The following ENTPD1 variants were observed in gnomAD, a reference collection of about 807,000 sequenced individuals.
ENTPD1 encodes the protein ectonucleoside triphosphate diphosphohydrolase 1.
ENTPD1 carries 33 observed loss-of-function variants against 57.0 expected under a neutral mutation model. That is an observed-to-expected ratio of 0.58 (90% CI 0.44 to 0.77). The LOEUF (loss-of-function observed/expected upper bound fraction) is 0.77. Ranked by LOEUF, ENTPD1 falls within the 30% of genes least tolerant of loss-of-function variation. The probability of loss-of-function intolerance (pLI) is 0.00; values close to 1 mark genes in which losing one functional copy is unlikely to be tolerated. For synonymous variants in ENTPD1, 202 were observed against 218.8 expected (o/e 0.92, Z 0.68); for missense variants, 501 against 603.4 (o/e 0.83, Z 1.78).
intron 1 of ENTPD1, among the ~76,000 whole-genome samples, chr10:95,789,380 T>C (rs558964811): frequency 1.4e-4 from 22 of 152,244 alleles, no homozygotes; most frequent in Non-Finnish European, 2.6e-4. Flanking sequence ...AAAAGAAAGC[T>C]CCAGTCACTT....
intron 1 of ENTPD1, among the ~76,000 whole-genome samples, chr10:95,799,457 C>G (rs117193560): frequency 6.6e-6 from 1 of 152,090 alleles, no homozygotes; most frequent in African/African-American, 2.4e-5. Context: ...CATGCCTGTT[C>G]CTGCAAAGGA....
chr10:95,795,802 C>A (rs2098223917), intron 1 of ENTPD1, among the ~76,000 whole-genome samples: 1 of 152,148 alleles, frequency 6.6e-6, no homozygotes, highest in Admixed American at 6.5e-5. Flanking sequence ...TTCTCAGATA[C>A]AATGGAGAGT....
chr10:95,772,689 T>C (rs1190486008), intron 1 of ENTPD1, among the ~76,000 whole-genome samples: 1 of 152,172 alleles, frequency 6.6e-6, no homozygotes, highest in Non-Finnish European at 1.5e-5. Flanking sequence ...TCTTCCAAAC[T>C]CCTGTTAATA....
At chr10:95,747,114 A>G (rs1475412692) in intron 1 of ENTPD1, among the ~76,000 whole-genome samples, 1 of 152,202 alleles carries the variant, frequency 6.6e-6, no homozygotes, top group Non-Finnish European at 1.5e-5. Context: ...GTAACATTTT[A>G]CCCCAAGATT....
intron 1 of ENTPD1, among the ~76,000 whole-genome samples, chr10:95,793,346 A>G (rs1291736112): frequency 6.6e-6 from 1 of 152,218 alleles, no homozygotes. Context: ...TTTATAAAAA[A>G]TAATGAAGGG....
chr10:95,720,587 A>G (rs891988422), intron 1 of ENTPD1, among the ~76,000 whole-genome samples: 5 of 152,106 alleles, frequency 3.3e-5, no homozygotes, highest in African/African-American at 1.2e-4. Flanking sequence ...CTGGCCCTCA[A>G]TGGTCAAACA....
chr10:95,705,514 C>T, the ENTPD1 span, among the ~76,000 whole-genome samples: 2 of 152,064 alleles, frequency 1.3e-5, no homozygotes, highest in East Asian at 1.9e-4. Flanking sequence ...TTTTTTGAGA[C>T]AGAGTGTAAG....
chr10:95,861,930 A>G (rs1331482456), intron 8 of ENTPD1, among the ~76,000 whole-genome samples: 15 of 151,806 alleles, frequency 9.9e-5, no homozygotes, highest in South Asian at 2.1e-4. Context: ...CAGGAGGCGG[A>G]GCTTGCAGTG....
chr10:95,862,023 G>A (rs1031589992), intron 8 of ENTPD1, among the ~76,000 whole-genome samples: 7 of 151,618 alleles, frequency 4.6e-5, no homozygotes, highest in African/African-American at 1.7e-4. Context: ...AAAAAGTTCT[G>A]TCAGGTTTCC....
intron 1 of ENTPD1, among the ~76,000 whole-genome samples, chr10:95,748,554 C>T (rs1287365637): frequency 6.6e-6 from 1 of 152,190 alleles, no homozygotes; most frequent in Non-Finnish European, 1.5e-5. Context: ...TCTCAGATTT[C>T]ATCTGTACAT....
rs57187898 is a variant in ENTPD1 at position 95,743,997 on chromosome 10, C to CATATATATATAT, written c.37+32031_37+32042dup. Among the ~76,000 whole-genome samples, 232 of 80,920 alleles carry CATATATATATAT rather than the reference C, an allele frequency of 2.9e-3. 4 individuals are homozygous for CATATATATATAT. The highest frequency in any genetic ancestry group is 6.0e-3 in the East Asian group (13 of 2,184). The allele number at this position is 80,920 out of a possible 152,430, so 53.1% of individuals were successfully genotyped here. A position where few individuals can be genotyped will look rare whatever the true frequency, so the allele number is the denominator to read the frequency against. On this transcript the variant is annotated intron_variant, in intron 1 of 9. Coordinates refer to the ENTPD1 transcript ENST00000453258. Reference sequence around the variant, plus strand: ...AAGAAAATATAGATGTATTTTAAACCATATATATATATATATATATATATA... The same window carrying CATATATATATAT: ...AAGAAAATATAGATGTATTTTAAACCATATATATATATATATATATATATATATATATATATA...
At chr10:95,775,069 AG>A (rs1451834917) in intron 1 of ENTPD1, among the ~76,000 whole-genome samples, 2 of 152,094 alleles carry the variant, frequency 1.3e-5, no homozygotes, top group East Asian at 3.8e-4. Flanking sequence ...TTGGATTCCT[AG>A]GTATTTTATT....
rs1174217126 is a variant in ENTPD1 at position 95,867,291 on chromosome 10, TCA to T, written c.*911_*912del. Reference sequence around the variant, plus strand: ...TACAAATCAGTGACATTTAGTACATTCACAGTGTTGTGCCACCATCACCACTA... The same window carrying T: ...TACAAATCAGTGACATTTAGTACATTCAGTGTTGTGCCACCATCACCACTA... On this transcript the variant is annotated 3_prime_UTR_variant, in exon 10 of 10. Coordinates refer to ENST00000371205, the MANE Select transcript of ENTPD1 (RefSeq NM_001776.6). 12 of 979,790 alleles carry T rather than the reference TCA, an allele frequency of 1.2e-5. No individual in the cohort carries two copies. In the South Asian group the frequency reaches 4.3e-4, roughly 35 times the overall value. The allele number at this position is 979,790 out of a possible 1,614,324, so 60.7% of individuals were successfully genotyped here. A position where few individuals can be genotyped will look rare whatever the true frequency, so the allele number is the denominator to read the frequency against.
At chr10:95,735,025 ATTTTT>A (rs376795429) in intron 1 of ENTPD1, among the ~76,000 whole-genome samples, 12 of 126,768 alleles carry the variant, frequency 9.5e-5, no homozygotes, top group African/African-American at 2.6e-4. Context: ...ATGAAAATAG[ATTTTT>A]TTTTTTTTTT....
rs1464970318 is a variant in ENTPD1 at position 95,869,091 on chromosome 10, C to T, written c.*2708C>T. ...ATTGGCCATTGGTTATCACTGATTA[C>T]CATTCTCCCCTGGATTTTCACCCAG... On this transcript the variant is annotated 3_prime_UTR_variant, in exon 10 of 10. Coordinates refer to ENST00000371205, the MANE Select transcript of ENTPD1 (RefSeq NM_001776.6). 2 of 985,118 alleles carry T rather than the reference C, an allele frequency of 2.0e-6. No homozygotes were observed. The highest frequency in any genetic ancestry group is 3.5e-5 in the African/African-American group (2 of 57,152). The allele number at this position is 985,118 out of a possible 1,614,324, so 61.0% of individuals were successfully genotyped here.
In ENTPD1 at chr10:95,842,217, A is replaced by G. The variant is rs74153925; in HGVS notation, c.263-127A>G. On this transcript the variant is annotated intron_variant, in intron 3 of 9. Transcript: ENST00000371205. ...ATTACCCTCTAAGTACAATAACCTAATGTATAGTACATCAGGAAATTGTTT... is the reference window on the plus strand; with the variant it reads ...ATTACCCTCTAAGTACAATAACCTAGTGTATAGTACATCAGGAAATTGTTT... The G allele has an allele frequency of 4.4e-3, 3,700 of 833,206 alleles. 93 individuals carry two copies. In the African/African-American group the frequency reaches 0.056, roughly 13 times the overall value. 51.6% of individuals were successfully genotyped at this position (833,206 alleles called of 1,614,324 possible). A position where few individuals can be genotyped will look rare whatever the true frequency, so the allele number is the denominator to read the frequency against.
At chr10:95,714,432 G>A (rs995610517) in intron 1 of ENTPD1, among the ~76,000 whole-genome samples, 2 of 152,008 alleles carry the variant, frequency 1.3e-5, no homozygotes, top group Non-Finnish European at 2.9e-5. Context: ...TTCTTTTCAG[G>A]TCTCAGTTTT....
chr10:95,844,906 A>G (rs557662447), intron 5 of ENTPD1: 6 of 521,814 alleles, frequency 1.1e-5, no homozygotes, highest in South Asian at 2.0e-5. Context: ...TAAAAATTAG[A>G]ATAGCTAACA....
At chr10:95,835,015 T>G (rs1488134917) in intron 2 of ENTPD1, among the ~76,000 whole-genome samples, 1 of 152,028 alleles carries the variant, frequency 6.6e-6, no homozygotes, top group African/African-American at 2.4e-5. Context: ...GATGCTGAGG[T>G]TTGGGCTTCT....
Sources: gnomAD v4.1 joint callset for allele counts (sites outside exome capture counted in the v4.1 genomes callset) on GRCh38, gnomAD v4.1.1 for gene constraint, MANE v1.5 for transcripts, NCBI Gene and HGNC (gene_info 2026-07-23, HGNC 2026-07-21) for gene names.